The following EPS15L1 variants were observed in gnomAD, a reference collection of about 807,000 sequenced individuals.
The protein encoded by EPS15L1 is epidermal growth factor receptor substrate 15-like 1.
A neutral mutation model predicts 117.1 loss-of-function variants in EPS15L1; 43 were observed. The observed-to-expected ratio is 0.37, with a 90% CI of 0.29 to 0.47. The LOEUF (loss-of-function observed/expected upper bound fraction) is 0.47, where lower values mean the gene tolerates loss of function less well. Ranked by LOEUF, EPS15L1 falls within the 20% of genes least tolerant of loss-of-function variation. The pLI, the probability that EPS15L1 is intolerant of heterozygous loss-of-function variation, is 0.99. For missense variants in EPS15L1, 981 were observed against 1,164.0 expected (o/e 0.84, Z 2.29); for synonymous variants, 459 against 470.5 (o/e 0.98, Z 0.32).
intron 3 of EPS15L1, 53 bp from the exon 4 acceptor site, chr19:16,440,962 G>T (rs977641314): frequency 1.8e-5 from 28 of 1,589,986 alleles, no homozygotes; most frequent in Non-Finnish European, 2.3e-5. Flanking sequence ...CTGTCCACGT[G>T]TTAACAAAAA....
chr19:16,449,823 G>A (rs548976693), intron 1 of EPS15L1, among the ~76,000 whole-genome samples: 10 of 152,154 alleles, frequency 6.6e-5, no homozygotes, highest in African/African-American at 2.4e-4. Context: ...GCAATGAAAA[G>A]GAATGAACAG....
Position 16,399,217 on chromosome 19 carries a change from G to A in EPS15L1, c.1791+3104C>T, listed in dbSNP as rs537709877. Reference sequence around the variant, plus strand: ...CCCCAGCAGGATTCAGGAGGTCAGGGTAACTAATAGTGGTTTTGATTCCAT... The same window carrying A: ...CCCCAGCAGGATTCAGGAGGTCAGGATAACTAATAGTGGTTTTGATTCCAT... On this transcript the variant is annotated intron_variant, in intron 16 of 23. Transcript: ENST00000455140. Among the ~76,000 whole-genome samples, 14 of 152,266 alleles carry A rather than the reference G, an allele frequency of 9.2e-5. No homozygotes were observed. The South Asian group carries it at 2.7e-3, about 29-fold the overall frequency.
rs188083604 is a variant in EPS15L1 at position 16,381,701 on chromosome 19, C to T, written c.2247+3428G>A. 3.5e-3 allele frequency among the ~76,000 whole-genome samples: 529 copies of T among 152,308 alleles called. 3 individuals are homozygous for T. Among genetic ancestry groups the T allele is most frequent in the Non-Finnish European group, 5.7e-3 (388 of 68,030 alleles). ...CTGTCCGAGACATGAGGGGCAGTGT[C>T]GGCCTGCAGCTTAGCTTTAAAATGG... On this transcript the variant is annotated intron_variant, in intron 21 of 23. Transcript: ENST00000455140. The surrounding 1 kb of genome is among the most constrained non-coding windows in gnomAD (Gnocchi z 4.2).
intron 1 of EPS15L1, among the ~76,000 whole-genome samples, chr19:16,461,132 C>T (rs1439071423): frequency 2.6e-5 from 4 of 151,600 alleles, no homozygotes; most frequent in African/African-American, 4.8e-5. Flanking sequence ...GGTGAAACCC[C>T]GTCTCTACTA....
Position 16,468,742 on chromosome 19 carries a change from G to A in EPS15L1, c.33+3171C>T, listed in dbSNP as rs570289968. Among the ~76,000 whole-genome samples the A allele has an allele frequency of 2.0e-5, 3 of 152,312 alleles. No individual in the cohort carries two copies. The South Asian group carries it at 6.2e-4, about 32-fold the overall frequency. On this transcript the variant is annotated intron_variant, in intron 1 of 23. Coordinates refer to ENST00000455140, the MANE Select transcript of EPS15L1 (RefSeq NM_001258374.3). ...AGAAGATGAATCCTAGCCAGATGCA[G>A]TGGCTGACACCGTAATTCCAATACT... is the stretch of plus-strand genomic sequence containing the variant.
intron 6 of EPS15L1, among the ~76,000 whole-genome samples, chr19:16,435,663 C>G (rs2145040734): frequency 6.6e-6 from 1 of 152,114 alleles, no homozygotes; most frequent in East Asian, 1.9e-4. Context: ...TCTCGGGGGC[C>G]TGGGATCCTC....
In EPS15L1 at chr19:16,404,282, G is replaced by C. The variant is rs1175456329; in HGVS notation, c.1428+306C>G. On this transcript the variant is annotated intron_variant, in intron 14 of 23. Transcript: ENST00000455140. The surrounding 1 kb of genome is among the most constrained non-coding windows in gnomAD (Gnocchi z 4.2). ...GTGAGGAGCCTCAGAGACACCTGAGGAGGGGACACAGGCACCCTGGAACTC... is the reference window on the plus strand; with the variant it reads ...GTGAGGAGCCTCAGAGACACCTGAGCAGGGGACACAGGCACCCTGGAACTC... Among the ~76,000 whole-genome samples, 2 of 152,188 alleles carry C rather than the reference G, an allele frequency of 1.3e-5. No homozygotes were observed. Among genetic ancestry groups the C allele is most frequent in the Middle Eastern group, 3.2e-3 (1 of 316 alleles).
In EPS15L1 at chr19:16,404,737, C is replaced by T; in HGVS notation, c.1279G>A (p.Asp427Asn). The T allele has an allele frequency of 6.2e-7, 1 of 1,614,158 alleles. No homozygotes were observed. Among genetic ancestry groups the T allele is most frequent in the Non-Finnish European group, 8.5e-7 (1 of 1,180,012 alleles). ...AAACTGCTTGTTTCCCGGTCTAGGT[C>T]ATTTTGTAATTCCTAGGGAGGAGTT... ...KTSEVQELQNDLDRETSSLQE... is the reference protein window; with the variant it reads ...KTSEVQELQNNLDRETSSLQE... Residue 427 changes from aspartate (D) to asparagine (N), a missense_variant, in exon 14 of 24, where the codon GAC (aspartate) becomes AAC (asparagine). By Grantham distance (23) the Asp-to-Asn change is conservative. Around this residue, in one of 5 missense-constraint regions of EPS15L1, gnomAD observed 819 missense variants for 949.0 expected, o/e 0.86. Coordinates refer to ENST00000455140, the MANE Select transcript of EPS15L1 (RefSeq NM_001258374.3). The surrounding 1 kb of genome is among the most constrained non-coding windows in gnomAD (Gnocchi z 4.2).
intron 8 of EPS15L1, among the ~76,000 whole-genome samples, chr19:16,428,255 G>A (rs2092892836): frequency 6.6e-6 from 1 of 151,748 alleles, no homozygotes; most frequent in Admixed American, 6.6e-5. Flanking sequence ...GCTCACGCCT[G>A]TAATCCCAGC....
At chr19:16,361,551 C>T (rs1371823023) in intron 23 of EPS15L1, 3 of 1,258,128 alleles carry the variant, frequency 2.4e-6, no homozygotes, top group South Asian at 5.0e-5. Context: ...TGGAAGAAAA[C>T]GTGCCCTTAT....
chr19:16,402,358 C>G lies in EPS15L1; in HGVS notation c.1754G>C (p.Gly585Ala), dbSNP rs537025989. 1.2e-6 allele frequency: 2 copies of G among 1,613,910 alleles called. No individual in the cohort carries two copies. Among genetic ancestry groups the G allele is most frequent in the Non-Finnish European group, 1.7e-6 (2 of 1,179,922 alleles). Residue 585 changes from glycine (G) to alanine (A), a missense_variant, in exon 16 of 24, where the codon GGC becomes GCC. Gly to Ala is a moderately conservative substitution (Grantham distance 60). Transcript: ENST00000455140. ...ACTGCCCCTCTCTGCCAGGGAGACG[C>G]CTTCGCTCAGGTTGGCCAGGTCGGT... ...SLTDLANLSE[G>A]VSLAERGSFG...
chr19:16,430,288 G>A (rs1430173948), intron 7 of EPS15L1, among the ~76,000 whole-genome samples: 1 of 152,202 alleles, frequency 6.6e-6, no homozygotes, highest in Non-Finnish European at 1.5e-5. Flanking sequence ...TGCTGTGGGG[G>A]TGTCTAATGG....
At chr19:16,435,408 G>C in intron 6 of EPS15L1, 1 of 152,266 alleles carries the variant, frequency 6.6e-6, no homozygotes, top group East Asian at 1.9e-4. Flanking sequence ...AAGGGGCCAT[G>C]AGTGAGGCAG....
intron 5 of EPS15L1, 191 bp from the exon 6 acceptor site, chr19:16,437,190 T>C (rs1047203684): frequency 1.7e-6 from 1 of 582,006 alleles, no homozygotes; most frequent in Non-Finnish European, 3.1e-6. Context: ...TAAAAACGGA[T>C]GTCCAAACAA....
In EPS15L1 at chr19:16,448,547, A is replaced by AGGG. The variant is rs56824066; in HGVS notation, c.34-6331_34-6329dup. ...GAGCAAAATTCCGTATTAAAAAAAA[A>AGGG]GGGGGGGGGAGAAAGGCCGGGCGCG... is the stretch of plus-strand genomic sequence containing the variant. On this transcript the variant is annotated intron_variant, in intron 1 of 23. Coordinates refer to ENST00000455140, the MANE Select transcript of EPS15L1 (RefSeq NM_001258374.3). Among the ~76,000 whole-genome samples, 727 of 118,864 alleles carry AGGG rather than the reference A, an allele frequency of 6.1e-3. 8 individuals are homozygous for AGGG. The highest frequency in any genetic ancestry group is 8.2e-3 in the African/African-American group (229 of 27,804). The allele number at this position is 118,864 out of a possible 152,430, so 78.0% of individuals were successfully genotyped here.
chr19:16,407,733 T>C (rs1470276892), intron 13 of EPS15L1, among the ~76,000 whole-genome samples: 2 of 152,190 alleles, frequency 1.3e-5, no homozygotes, highest in African/African-American at 2.4e-5. Context: ...TTGCACATAG[T>C]TTCTCCCCCA....
rs2092385219 is a variant in EPS15L1, at chr19:16,383,455, CCAA to C, written c.2247+1671_2247+1673del. The stretch of plus-strand genomic sequence containing the variant: ...CTGAGGGACTGCTGCCACCGTGTGG[CCAA>C]CGTTTTCTGCTTTCGGGAGATGGTT... On this transcript the variant is annotated intron_variant, in intron 21 of 23. Transcript: ENST00000455140. The surrounding 1 kb of genome is among the most constrained non-coding windows in gnomAD (Gnocchi z 5.2). 6.6e-6 allele frequency: 1 copy of C among 152,266 alleles called. No individual in the cohort carries two copies. Among genetic ancestry groups the C allele is most frequent in the Non-Finnish European group, 1.5e-5 (1 of 68,068 alleles). 9.4% of individuals were successfully genotyped at this position (152,266 alleles called of 1,614,324 possible).
intron 3 of EPS15L1, 60 bp downstream of exon 3, chr19:16,441,832 C>T: frequency 7.1e-7 from 1 of 1,406,458 alleles, no homozygotes; most frequent in Non-Finnish European, 9.9e-7. Flanking sequence ...CTGGCCCTGA[C>T]CTGCGGGGGG....
At chr19:16,446,213 C>A (rs1261010810) in intron 1 of EPS15L1, among the ~76,000 whole-genome samples, 6 of 152,126 alleles carry the variant, frequency 3.9e-5, no homozygotes, top group African/African-American at 1.2e-4. Context: ...TGGAGAAACC[C>A]AGCAGAACCA....
Sources: allele counts gnomAD v4.1 joint callset (sites outside exome capture counted in the v4.1 genomes callset), GRCh38; gene constraint gnomAD v4.1.1; regional missense constraint gnomAD v4.1.1; non-coding constraint Gnocchi (gnomAD v3.1); transcripts MANE v1.5; gene names NCBI Gene and HGNC (gene_info 2026-07-23, HGNC 2026-07-21).